LRRC4C: variants seen among roughly 807,000 people sequenced by gnomAD.
LRRC4C encodes the protein leucine-rich repeat-containing protein 4C.
A neutral mutation model predicts 33.6 loss-of-function variants in LRRC4C; 5 were observed. The observed-to-expected ratio is 0.15, with a 90% CI of 0.08 to 0.31. LRRC4C has a LOEUF of 0.31. LRRC4C is among the 10% of genes least tolerant of loss of function. LRRC4C has a pLI of 1.00. For missense variants in LRRC4C, 560 were observed against 796.7 expected (o/e 0.70, Z 3.58); for synonymous variants, 329 against 302.0 (o/e 1.09, Z -0.93).
chr11:41,287,801 T>A (rs538878795), intron 1 of LRRC4C, among the ~76,000 whole-genome samples: 35 of 152,318 alleles, frequency 2.3e-4, no homozygotes, highest in Admixed American at 2.0e-4. Context: ...TAAGCCCACA[T>A]AAGTAAATCT....
intron 2 of LRRC4C, among the ~76,000 whole-genome samples, chr11:40,713,524 G>T (rs918340291): frequency 1.3e-5 from 2 of 152,100 alleles, no homozygotes; most frequent in African/African-American, 2.4e-5. Context: ...AGTGACACAA[G>T]AACTCTTAAT....
At chr11:40,776,542 T>A (rs1034116535) in intron 2 of LRRC4C, among the ~76,000 whole-genome samples, 1 of 152,148 alleles carries the variant, frequency 6.6e-6, no homozygotes, top group Non-Finnish European at 1.5e-5. Flanking sequence ...TAGTCTCTGA[T>A]TATCTTTTGT....
chr11:40,325,848 T>C (rs1334237470), intron 3 of LRRC4C, among the ~76,000 whole-genome samples: 3 of 152,110 alleles, frequency 2.0e-5, no homozygotes, highest in East Asian at 3.9e-4. Context: ...GTGTTCAACA[T>C]ATATGGATTG....
intron 1 of LRRC4C, among the ~76,000 whole-genome samples, chr11:40,978,308 C>T (rs945569539): frequency 6.6e-6 from 1 of 152,130 alleles, no homozygotes; most frequent in Non-Finnish European, 1.5e-5. Flanking sequence ...CCTTTAAATT[C>T]TTAGTAAGGT....
At chr11:40,885,655 CTGAAAATAAAAATATCAAAAATGCTGTA>C (rs1011439841) in intron 2 of LRRC4C, among the ~76,000 whole-genome samples, 1 of 151,966 alleles carries the variant, frequency 6.6e-6, no homozygotes, top group African/African-American at 2.4e-5. Context: ...AGGTATCGTA[CTGAAAATAAAAATATCAAAAATGCTGTA>C]AGGTAGATTT....
At chr11:40,499,596 T>G (rs1361580764) in intron 3 of LRRC4C, among the ~76,000 whole-genome samples, 1 of 152,220 alleles carries the variant, frequency 6.6e-6, no homozygotes, top group Non-Finnish European at 1.5e-5. Context: ...GTTCTCAATA[T>G]CTAATCAATG....
At chr11:40,897,129 C>T (rs2136155939) in intron 2 of LRRC4C, among the ~76,000 whole-genome samples, 1 of 152,236 alleles carries the variant, frequency 6.6e-6, no homozygotes, top group East Asian at 1.9e-4. Context: ...TAAATTTTGT[C>T]TCATCGATGT....
chr11:41,082,225 C>A (rs1939628185), intron 1 of LRRC4C, among the ~76,000 whole-genome samples: 5 of 152,130 alleles, frequency 3.3e-5, no homozygotes, highest in Admixed American at 3.3e-4. Context: ...TCTATAGAAA[C>A]GCATCTCAGA....
intron 1 of LRRC4C, among the ~76,000 whole-genome samples, chr11:41,377,087 A>C (rs1382714773): frequency 6.6e-6 from 1 of 152,198 alleles, no homozygotes; most frequent in Non-Finnish European, 1.5e-5. Flanking sequence ...GCAGTTATCC[A>C]GGGAATCAAG....
intron 3 of LRRC4C, among the ~76,000 whole-genome samples, chr11:40,393,214 C>G (rs936549940): frequency 4.6e-5 from 7 of 152,022 alleles, no homozygotes; most frequent in Admixed American, 3.3e-4. Flanking sequence ...ATAAATGAAA[C>G]CTTAAAACTT....
At chr11:40,653,831 C>T (rs1942946864) in intron 2 of LRRC4C, among the ~76,000 whole-genome samples, 1 of 152,162 alleles carries the variant, frequency 6.6e-6, no homozygotes, top group African/African-American at 2.4e-5. Flanking sequence ...CATCACAGGC[C>T]AAGAAGCCTA....
At chr11:40,349,575 G>A (rs1459520974) in intron 3 of LRRC4C, among the ~76,000 whole-genome samples, 2 of 151,958 alleles carry the variant, frequency 1.3e-5, no homozygotes, top group Non-Finnish European at 2.9e-5. Context: ...TCCTTTTGTG[G>A]AGCATATTTG....
intron 4 of LRRC4C, among the ~76,000 whole-genome samples, chr11:40,302,489 T>C (rs1944821730): frequency 6.6e-6 from 1 of 152,154 alleles, no homozygotes; most frequent in Non-Finnish European, 1.5e-5. Context: ...AAATTACGAT[T>C]ATCAGAACAA....
intron 1 of LRRC4C, among the ~76,000 whole-genome samples, chr11:41,172,218 A>T (rs1411333940): frequency 6.6e-6 from 1 of 152,210 alleles, no homozygotes; most frequent in African/African-American, 2.4e-5. Context: ...GCAATTTTAC[A>T]TTCTTAATCA....
intron 1 of LRRC4C, among the ~76,000 whole-genome samples, chr11:41,172,236 C>T (rs1309972652): frequency 6.6e-6 from 1 of 152,152 alleles, no homozygotes; most frequent in East Asian, 1.9e-4. Context: ...TCAATAAAGT[C>T]TGAATGCCAT....
intron 4 of LRRC4C, among the ~76,000 whole-genome samples, chr11:40,261,418 C>A (rs529220344): frequency 6.6e-6 from 1 of 151,956 alleles, no homozygotes; most frequent in African/African-American, 2.4e-5. Context: ...TTTGTTAAGG[C>A]CGATATATTT....
At chr11:41,007,832 A>C (rs145000739) in intron 1 of LRRC4C, among the ~76,000 whole-genome samples, 1 of 152,216 alleles carries the variant, frequency 6.6e-6, no homozygotes, top group African/African-American at 2.4e-5. Flanking sequence ...TTCATATCCA[A>C]CTTAATACAG....
chr11:40,984,091 T>C (rs1292964446), intron 1 of LRRC4C, among the ~76,000 whole-genome samples: 2 of 151,614 alleles, frequency 1.3e-5, no homozygotes, highest in African/African-American at 2.4e-5. Context: ...TGGGATGTGA[T>C]ATGTTCAATC....
rs58970527 is a variant in LRRC4C, at chr11:41,366,199, C to CAGATAGAT, written c.-496+93224_-496+93231dup. ...ATATCTAGATAGATAGATAGATAGA[C>CAGATAGAT]AGATAGATAGATAGATAGATAGATA... On this transcript the variant is annotated intron_variant, in intron 1 of 6. Coordinates refer to ENST00000528697, the MANE Select transcript of LRRC4C (RefSeq NM_001258419.2). Among the ~76,000 whole-genome samples the CAGATAGAT allele has an allele frequency of 2.8e-4, 42 of 148,796 alleles. 1 individual carries two copies. Among genetic ancestry groups the CAGATAGAT allele is most frequent in the South Asian group, 8.6e-4 (4 of 4,654 alleles).
Sources: gnomAD v4.1 joint callset for allele counts (sites outside exome capture counted in the v4.1 genomes callset) on GRCh38, gnomAD v4.1.1 for gene constraint, MANE v1.5 for transcripts, NCBI Gene and HGNC (gene_info 2026-07-23, HGNC 2026-07-21) for gene names.